SNAI1: variants seen among roughly 807,000 people sequenced by gnomAD.
The protein encoded by SNAI1 is snail family transcriptional repressor 1, also known as zinc finger protein SNAI1.
A neutral mutation model predicts 24.7 loss-of-function variants in SNAI1; 15 were observed. The observed-to-expected ratio is 0.61, with a 90% confidence interval of 0.41 to 0.93. The LOEUF is 0.93. Among genes scored for constraint, SNAI1 ranks in the 40% least tolerant of loss-of-function variants. SNAI1 has a pLI of 0.00. For missense variants in SNAI1, 283 were observed against 336.7 expected, an observed-to-expected ratio of 0.84 and a Z score of 1.25; for synonymous variants, 163 against 142.9, an observed-to-expected ratio of 1.14 and a Z score of -1.00.
chr20:49,983,729 A>G, intron 1 of SNAI1, 95 bp from the exon 2 acceptor site: 1 of 1,244,836 alleles, frequency 8.0e-7, no homozygotes. Context: ...TGTATTGAGA[A>G]TCGGCCCCAC....
chr20:49,985,331 G>A (rs530312293), intron 2 of SNAI1, among the ~76,000 whole-genome samples: 24 of 152,290 alleles, frequency 1.6e-4, no homozygotes, highest in African/African-American at 4.8e-4. Flanking sequence ...CTGGCCTGGC[G>A]CCTGACCTCT....
intron 2 of SNAI1, 87 bp downstream of exon 2, chr20:49,984,438 G>A (rs1229972897): frequency 1.6e-5 from 21 of 1,292,962 alleles, no homozygotes; most frequent in Non-Finnish European, 2.1e-5. Flanking sequence ...CCAAAGCTGT[G>A]GACACTGAGG....
rs1600889281 is a variant in SNAI1 at position 49,988,433 on chromosome 20, A to C, written c.*377A>C. 8.3e-5 allele frequency: 14 copies of C among 169,066 alleles called. No homozygotes were observed. Among genetic ancestry groups the C allele is most frequent in the South Asian group, 2.0e-4 (1 of 5,078 alleles). The allele number at this position is 169,066 out of a possible 1,614,324, so 10.5% of individuals were successfully genotyped here. A position where few individuals can be genotyped will look rare whatever the true frequency, so the allele number is the denominator to read the frequency against. On this transcript the variant is annotated 3_prime_UTR_variant, in exon 3 of 3. Transcript: ENST00000244050. ...GCTCCCACCCCACTCAGGGGACCCC[A>C]CTCCCCTCACACACACCCCCCCACA...
chr20:49,984,059 C>T lies in SNAI1; in HGVS notation c.318C>T (p.Pro106=), dbSNP rs1336590575. ...SGKGSQPPSP[P]SPAPSSFSST... ...AAGGCTCCCAGCCCCCCAGCCCACCCTCACCGGCTCCTTCGTCCTTCTCCT... is the reference window on the plus strand; with the variant it reads ...AAGGCTCCCAGCCCCCCAGCCCACCTTCACCGGCTCCTTCGTCCTTCTCCT... The change falls in exon 2 of 3, where the codon CCC becomes CCT. Residue 106 remains proline, a synonymous_variant. Coordinates refer to ENST00000244050, the MANE Select transcript of SNAI1 (RefSeq NM_005985.4). 1 of 1,614,002 alleles carries T rather than the reference C, an allele frequency of 6.2e-7. No individual in the cohort carries two copies. Among genetic ancestry groups the T allele is most frequent in the Non-Finnish European group, 8.5e-7 (1 of 1,179,996 alleles).
Position 49,983,012 on chromosome 20 carries a change from T to C in SNAI1, c.-48T>C, listed in dbSNP as rs4647954. On this transcript the variant is annotated 5_prime_UTR_variant, in exon 1 of 3. Coordinates refer to ENST00000244050, the MANE Select transcript of SNAI1 (RefSeq NM_005985.4). ...CGCGGCACGGCCTAGCGAGTGGTTC[T>C]TCTGCGCTACTGCTGCGCGAATCGG... The C allele has an allele frequency of 0.25, 353,407 of 1,440,420 alleles. 54,694 individuals are homozygous for C. Among genetic ancestry groups the C allele is most frequent in the African/African-American group, 0.73 (51,401 of 70,634 alleles). The allele number at this position is 1,440,420 out of a possible 1,614,324, so 89.2% of individuals were successfully genotyped here. A position where few individuals can be genotyped will look rare whatever the true frequency, so the allele number is the denominator to read the frequency against.
rs562681701 is a variant in SNAI1 at position 49,984,317 on chromosome 20, C to T, written c.576C>T (p.Pro192=). ...CGTCGKAFSR[P]WLLQGHVRTH... is the part of the protein sequence containing the mutation. Reference sequence around the variant, plus strand: ...CCTGCGGGAAGGCCTTCTCTAGGCCCTGGCTGCTACAAGGCCATGTCCGGA... The same window carrying T: ...CCTGCGGGAAGGCCTTCTCTAGGCCTTGGCTGCTACAAGGCCATGTCCGGA... Residue 192 remains proline (P), a synonymous_variant, in exon 2 of 3, where the codon CCC becomes CCT. Coordinates refer to ENST00000244050, the MANE Select transcript of SNAI1 (RefSeq NM_005985.4). 6.2e-7 allele frequency: 1 copy of T among 1,610,282 alleles called. No homozygotes were observed. Among genetic ancestry groups the T allele is most frequent in the South Asian group, 1.1e-5 (1 of 90,650 alleles).
intron 2 of SNAI1, among the ~76,000 whole-genome samples, chr20:49,987,404 G>A (rs1242062693): frequency 6.6e-6 from 1 of 152,176 alleles, no homozygotes; most frequent in Non-Finnish European, 1.5e-5. Flanking sequence ...GGCAGTAGGT[G>A]AAATCAGAGG....
intron 2 of SNAI1, among the ~76,000 whole-genome samples, chr20:49,985,429 C>T (rs2078330802): frequency 6.6e-6 from 1 of 152,194 alleles, no homozygotes; most frequent in African/African-American, 2.4e-5. Flanking sequence ...ACCCATTTCT[C>T]TTCCTTCGTG....
chr20:49,987,825 G>A, intron 2 of SNAI1, 47 bp from the exon 3 acceptor site: 1 of 1,571,920 alleles, frequency 6.4e-7, no homozygotes, highest in Non-Finnish European at 8.7e-7. Context: ...ATCACTGCCA[G>A]CCGTTGTCCC....
intron 1 of SNAI1, among the ~76,000 whole-genome samples, chr20:49,983,360 T>C (rs2146878485): frequency 6.7e-6 from 1 of 150,282 alleles, no homozygotes; most frequent in Middle Eastern, 3.4e-3. Flanking sequence ...GGTCTTCAGC[T>C]TGGGGGGCCT....
chr20:49,985,986 G>A (rs2078332743), intron 2 of SNAI1, among the ~76,000 whole-genome samples: 1 of 152,006 alleles, frequency 6.6e-6, no homozygotes, highest in Non-Finnish European at 1.5e-5. Context: ...TTCCCCTTTT[G>A]TTTGGGTTCA....
At chr20:49,983,724 T>G in intron 1 of SNAI1, 100 bp from the exon 2 acceptor site, 3 of 1,198,584 alleles carry the variant, frequency 2.5e-6, no homozygotes, top group Non-Finnish European at 3.5e-6. Flanking sequence ...AATTATGTAT[T>G]GAGAATCGGC....
rs757920571 is a variant in SNAI1, at chr20:49,983,068, C to T, written c.9C>T (p.Arg3=). Reference sequence around the variant, plus strand: ...CCAGTGCCTCGACCACTATGCCGCGCTCTTTCCTCGTCAGGAAGCCCTCCG... The same window carrying T: ...CCAGTGCCTCGACCACTATGCCGCGTTCTTTCCTCGTCAGGAAGCCCTCCG... The part of the protein sequence containing the change: MP[R]SFLVRKPSDP... The change falls in exon 1 of 3, where the codon CGC becomes CGT. Residue 3 remains arginine (R), a synonymous_variant. Transcript: ENST00000244050. 6.2e-7 allele frequency: 1 copy of T among 1,613,610 alleles called. No homozygotes were observed. The highest frequency in any genetic ancestry group is 8.5e-7 in the Non-Finnish European group (1 of 1,179,870).
At position 49,987,998 on chromosome 20, in the gene SNAI1, C is replaced by T. The variant is rs1342031448; in HGVS notation, c.737C>T (p.Ser246Phe). 1.2e-6 allele frequency: 2 copies of T among 1,613,710 alleles called. No individual in the cohort carries two copies. Among genetic ancestry groups the T allele is most frequent in the Non-Finnish European group, 1.7e-6 (2 of 1,179,762 alleles). Residue 246 changes from serine (S) to phenylalanine (F), a missense_variant, in exon 3 of 3, where the codon TCC becomes TTC. Physicochemically the swap from Ser to Phe is radical, Grantham distance 155. Transcript: ENST00000244050. The stretch of plus-strand genomic sequence containing the variant: ...TGCCAGGCGTGTGCTCGGACCTTCT[C>T]CCGAATGTCCCTGCTCCACAAGCAC... ...YQCQACARTF[S>F]RMSLLHKHQE... is the part of the protein sequence containing the mutation.
rs2078340384 is a variant in SNAI1 at position 49,988,194 on chromosome 20, A to T, written c.*138A>T. 7 of 724,586 alleles carry T rather than the reference A, an allele frequency of 9.7e-6. No homozygotes were observed. In the East Asian group the frequency reaches 2.0e-4, roughly 21 times the overall value. The allele number at this position is 724,586 out of a possible 1,614,324, so 44.9% of individuals were successfully genotyped here. Reference sequence around the variant, plus strand: ...CCCCACTTCTGGCCACATCAGCCCCACAGGACTTTGATGAAGACCATTTTC... The same window carrying T: ...CCCCACTTCTGGCCACATCAGCCCCTCAGGACTTTGATGAAGACCATTTTC... On this transcript the variant is annotated 3_prime_UTR_variant, in exon 3 of 3. Transcript: ENST00000244050.
intron 1 of SNAI1, among the ~76,000 whole-genome samples, chr20:49,983,470 C>T (rs2078323269): frequency 7.9e-6 from 1 of 126,982 alleles, no homozygotes; most frequent in Non-Finnish European, 1.6e-5. Flanking sequence ...GTCCGGAGTC[C>T]AGAGGGTTGA....
In SNAI1 at chr20:49,983,089, C is replaced by G. The variant is rs769334624; in HGVS notation, c.30C>G (p.Pro10=). Residue 10 remains proline (P), a synonymous_variant, in exon 1 of 3, where the codon CCC becomes CCG. Transcript: ENST00000244050. MPRSFLVRK[P]SDPNRKPNYS... is the part of the protein sequence containing the mutation. Reference sequence around the variant, plus strand: ...CGCGCTCTTTCCTCGTCAGGAAGCCCTCCGACCCCAATCGGAAGCCTAACT... The same window carrying G: ...CGCGCTCTTTCCTCGTCAGGAAGCCGTCCGACCCCAATCGGAAGCCTAACT... The G allele has an allele frequency of 6.2e-7, 1 of 1,613,908 alleles. No individual in the cohort carries two copies. Among genetic ancestry groups the G allele is most frequent in the Non-Finnish European group, 8.5e-7 (1 of 1,179,982 alleles).
Position 49,984,085 on chromosome 20 carries a change from C to T in SNAI1, c.344C>T (p.Ser115Phe). 1 of 1,614,222 alleles carries T rather than the reference C, an allele frequency of 6.2e-7. No individual in the cohort carries two copies. The highest frequency in any genetic ancestry group is 1.1e-5 in the South Asian group (1 of 91,086). ...PPSPAPSSFS[S>F]TSVSSLEAEA... is the part of the protein sequence containing the mutation. ...TCACCGGCTCCTTCGTCCTTCTCCTCTACTTCAGTCTCTTCCTTGGAGGCC... is the reference window on the plus strand; with the variant it reads ...TCACCGGCTCCTTCGTCCTTCTCCTTTACTTCAGTCTCTTCCTTGGAGGCC... Residue 115 changes from serine to phenylalanine, a missense_variant, in exon 2 of 3, where the codon TCT (serine) becomes TTT (phenylalanine). Ser to Phe is a radical substitution (Grantham distance 155). Transcript: ENST00000244050.
At chr20:49,986,470 A>C (rs1298854950) in intron 2 of SNAI1, among the ~76,000 whole-genome samples, 1 of 151,866 alleles carries the variant, frequency 6.6e-6, no homozygotes, top group Non-Finnish European at 1.5e-5. Flanking sequence ...GAATGAATTC[A>C]CTCTCAGCTC....
Sources: allele counts gnomAD v4.1 joint callset (sites outside exome capture counted in the v4.1 genomes callset), GRCh38; gene constraint gnomAD v4.1.1; transcripts MANE v1.5; gene names NCBI Gene and HGNC (gene_info 2026-07-23, HGNC 2026-07-21).